ZMYND8: variants seen among roughly 807,000 people sequenced by gnomAD.
ZMYND8 encodes zinc finger MYND-type containing 8.
ZMYND8 carries 37 observed loss-of-function variants against 140.8 expected under a neutral mutation model. That is an observed-to-expected ratio of 0.26 (90% CI 0.20 to 0.35). The LOEUF is 0.35. Ranked by LOEUF, ZMYND8 falls within the 10% of genes least tolerant of loss-of-function variation. ZMYND8 has a pLI of 1.00. For synonymous variants in ZMYND8, 592 were observed against 597.1 expected, an observed-to-expected ratio of 0.99 and a Z score of 0.12; for missense variants, 1,068 against 1,570.0, an observed-to-expected ratio of 0.68 and a Z score of 5.40.
At chr20:47,258,978 G>A (rs770284154) in intron 12 of ZMYND8, among the ~76,000 whole-genome samples, 1 of 151,814 alleles carries the variant, frequency 6.6e-6, no homozygotes, top group Non-Finnish European at 1.5e-5. Context: ...AGACACAAGA[G>A]GGCCTCGGTT....
chr20:47,287,233 T>G lies in ZMYND8; in HGVS notation c.800A>C (p.His267Pro). 1 of 1,613,846 alleles carries G rather than the reference T, an allele frequency of 6.2e-7. No homozygotes were observed. Among genetic ancestry groups the G allele is most frequent in the Non-Finnish European group, 8.5e-7 (1 of 1,179,720 alleles). The change falls in exon 8 of 23, where the codon CAT becomes CCT. Residue 267 changes from histidine to proline, a missense_variant. Physicochemically the swap from His to Pro is moderately conservative, Grantham distance 77. Coordinates refer to ENST00000471951, the MANE Select transcript of ZMYND8 (RefSeq NM_001281775.3). The part of the protein sequence containing the change: ...IAKVVIKICE[H>P]EMNEIEVCPE... ...AGGACAGTGGGAAACACATACCTCA[T>G]GTTCACAGATTTTGATGACTACTTT...
intron 3 of ZMYND8, among the ~76,000 whole-genome samples, chr20:47,305,218 T>G (rs1212432539): frequency 6.7e-6 from 1 of 150,364 alleles, no homozygotes; most frequent in African/African-American, 2.4e-5. Flanking sequence ...TACTCCAGCC[T>G]GGACAACAGA....
intron 1 of ZMYND8, chr20:47,351,595 A>G (rs1000216291): frequency 2.2e-6 from 2 of 897,998 alleles, no homozygotes; most frequent in Non-Finnish European, 2.7e-6. Flanking sequence ...CTTCTAGATT[A>G]CAAAATAGTG....
At chr20:47,322,473 A>C (rs1601919054) in intron 2 of ZMYND8, among the ~76,000 whole-genome samples, 2 of 120,148 alleles carry the variant, frequency 1.7e-5, no homozygotes, top group African/African-American at 6.7e-5. Context: ...ACAGAATCTC[A>C]CTCTGTCTCC....
intron 19 of ZMYND8, among the ~76,000 whole-genome samples, chr20:47,222,228 G>A (rs140943562): frequency 2.6e-5 from 4 of 152,316 alleles, no homozygotes; most frequent in South Asian, 2.1e-4. Flanking sequence ...CAGAAACTTG[G>A]ACACATAGAA....
intron 11 of ZMYND8, among the ~76,000 whole-genome samples, chr20:47,266,823 G>C (rs1055232287): frequency 3.3e-5 from 5 of 152,188 alleles, no homozygotes; most frequent in African/African-American, 1.2e-4. Context: ...CTCTGTGTGT[G>C]TGTGTGTGGT....
Position 47,284,771 on chromosome 20 carries a change from T to C in ZMYND8, c.805-1123A>G, listed in dbSNP as rs541998176. ...GAAAGTACATTCCCCTAGAATAACA[T>C]TGTAGCTTAGAGCCAAAGATCCCAG... On this transcript the variant is annotated intron_variant, in intron 8 of 22. Coordinates refer to ENST00000471951, the MANE Select transcript of ZMYND8 (RefSeq NM_001281775.3). 4.6e-5 allele frequency among the ~76,000 whole-genome samples: 7 copies of C among 152,274 alleles called. No individual in the cohort carries two copies. In the East Asian group the frequency reaches 1.2e-3, roughly 25 times the overall value.
intron 2 of ZMYND8, chr20:47,319,088 G>C (rs1319808489): frequency 3.1e-6 from 4 of 1,308,138 alleles, no homozygotes; most frequent in East Asian, 4.9e-5. Flanking sequence ...GAAGCAAAGA[G>C]AACAGGCTAA....
rs549454887 is a variant in ZMYND8 at position 47,300,127 on chromosome 20, A to C, written c.235-1180T>G. ...GAATCCAGCAAAGCCACACTTGAAC[A>C]CAAAAACTCACTCAGGAGAAACTCA... On this transcript the variant is annotated intron_variant, in intron 3 of 22. Transcript: ENST00000471951. Among the ~76,000 whole-genome samples the C allele has an allele frequency of 2.0e-5, 3 of 152,344 alleles. No individual in the cohort carries two copies. The East Asian group carries it at 5.8e-4, about 29-fold the overall frequency.
At chr20:47,230,856 C>T (rs2038383733) in intron 16 of ZMYND8, among the ~76,000 whole-genome samples, 1 of 152,138 alleles carries the variant, frequency 6.6e-6, no homozygotes, top group Non-Finnish European at 1.5e-5. Context: ...CCATCCCCCG[C>T]TCCCCCAGCG....
intron 3 of ZMYND8, among the ~76,000 whole-genome samples, chr20:47,300,593 T>TA: frequency 6.6e-6 from 1 of 152,360 alleles, no homozygotes; most frequent in East Asian, 1.9e-4. Context: ...AACATCAGTT[T>TA]TGTCTTTTCC....
intron 2 of ZMYND8, among the ~76,000 whole-genome samples, chr20:47,314,881 G>A (rs918318723): frequency 6.6e-6 from 1 of 152,214 alleles, no homozygotes; most frequent in Non-Finnish European, 1.5e-5. Context: ...AAAATGGGAA[G>A]AGCCGGGAGA....
chr20:47,303,383 T>C (rs1169207813), intron 3 of ZMYND8, among the ~76,000 whole-genome samples: 1 of 152,202 alleles, frequency 6.6e-6, no homozygotes, highest in African/African-American at 2.4e-5. Flanking sequence ...TCTGACTTCT[T>C]TTCAGTAAGT....
intron 17 of ZMYND8, among the ~76,000 whole-genome samples, chr20:47,229,425 C>G (rs1201744042): frequency 6.6e-6 from 1 of 152,068 alleles, no homozygotes; most frequent in Non-Finnish European, 1.5e-5. Flanking sequence ...GATTCAGGAG[C>G]CAGTTTTACA....
intron 11 of ZMYND8, among the ~76,000 whole-genome samples, chr20:47,273,495 G>A (rs868044531): frequency 1.3e-5 from 2 of 152,144 alleles, no homozygotes; most frequent in Non-Finnish European, 2.9e-5. Flanking sequence ...GCAGTGAGCC[G>A]AGATCGTGGC....
Position 47,236,439 on chromosome 20 carries a change from G to A in ZMYND8, c.2743C>T (p.Leu915=), listed in dbSNP as rs772598165. 7 of 1,613,962 alleles carry A rather than the reference G, an allele frequency of 4.3e-6. No homozygotes were observed. The South Asian group carries it at 4.4e-5, about 10-fold the overall frequency. Reference sequence around the variant, plus strand: ...CTCATGGACCCCGAGCTGGTGACCAGGGGCGATGACTGTGTGCTGGTCACC... The same window carrying A: ...CTCATGGACCCCGAGCTGGTGACCAAGGGCGATGACTGTGTGCTGGTCACC... ...TLVTSTQSSP[L]VTSSGSMSTL... The change falls in exon 16 of 23, where the codon CTG becomes TTG. Residue 915 remains leucine (L), a synonymous_variant. Coordinates refer to ENST00000471951, the MANE Select transcript of ZMYND8 (RefSeq NM_001281775.3).
chr20:47,281,540 G>A (rs1323572325), intron 10 of ZMYND8, among the ~76,000 whole-genome samples: 1 of 152,134 alleles, frequency 6.6e-6, no homozygotes, highest in Non-Finnish European at 1.5e-5. Context: ...GCTATTAGCT[G>A]GAATAATTCA....
chr20:47,325,080 T>C (rs2080302542), intron 2 of ZMYND8, among the ~76,000 whole-genome samples: 1 of 152,112 alleles, frequency 6.6e-6, no homozygotes, highest in Non-Finnish European at 1.5e-5. Context: ...AATTTTTGTA[T>C]TTTTGGTAGA....
chr20:47,267,054 C>G (rs1259857645), intron 11 of ZMYND8, among the ~76,000 whole-genome samples: 1 of 152,158 alleles, frequency 6.6e-6, no homozygotes, highest in Admixed American at 6.6e-5. Context: ...TAGAACGTTA[C>G]CGAGCCATAA....
Sources: gnomAD v4.1 joint callset for allele counts (sites outside exome capture counted in the v4.1 genomes callset) on GRCh38, gnomAD v4.1.1 for gene constraint, MANE v1.5 for transcripts, NCBI Gene and HGNC (gene_info 2026-07-23, HGNC 2026-07-21) for gene names.